ALK: variants seen among roughly 807,000 people sequenced by gnomAD.
ALK encodes the protein ALK receptor tyrosine kinase.
Under a neutral mutation model 163.1 loss-of-function variants are expected in ALK, and 74 were observed. The observed-to-expected ratio is 0.45, with a 90% confidence interval of 0.38 to 0.55. The LOEUF is 0.55. Ranked by LOEUF, ALK falls within the 20% of genes least tolerant of loss-of-function variation. The pLI, the probability that ALK is intolerant of heterozygous loss-of-function variation, is 0.00. For missense variants in ALK, 2,063 were observed against 2,105.3 expected, an observed-to-expected ratio of 0.98 and a Z score of 0.39; for synonymous variants, 960 against 843.2, an observed-to-expected ratio of 1.14 and a Z score of -2.40.
chr2:29,233,822 G>C (rs1664291310), intron 13 of ALK, 126 bp from the exon 14 acceptor site: 1 of 1,265,942 alleles, frequency 7.9e-7, no homozygotes, highest in Non-Finnish European at 1.1e-6. Context: ...TTGAGTTGAG[G>C]AGGCAGAAAA....
At chr2:29,701,105 C>G (rs1228289466) in intron 2 of ALK, among the ~76,000 whole-genome samples, 2 of 152,166 alleles carry the variant, frequency 1.3e-5, no homozygotes, top group Non-Finnish European at 2.9e-5. Context: ...GAATAGGGAG[C>G]TTGGTGCATT....
In ALK at chr2:29,227,188, G is replaced by A. The variant is rs1664028267; in HGVS notation, c.2915-114C>T. 1 of 1,368,530 alleles carries A rather than the reference G, an allele frequency of 7.3e-7. No individual in the cohort carries two copies. Among genetic ancestry groups the A allele is most frequent in the Admixed American group, 1.7e-5 (1 of 58,720 alleles). The allele number at this position is 1,368,530 out of a possible 1,614,324, so 84.8% of individuals were successfully genotyped here. ...GTGCTCTGGTGGTCCCTGTTCCTAG[G>A]TCCCATAGCCACTGGAAGCACAACT... On this transcript the variant is annotated intron_variant, in intron 17 of 28. Coordinates refer to ENST00000389048, the MANE Select transcript of ALK (RefSeq NM_004304.5). This position sits in a 1 kb window ranked among gnomAD's most constrained non-coding sequence, Gnocchi z 4.4.
chr2:29,618,212 T>G (rs1251724309), intron 3 of ALK, among the ~76,000 whole-genome samples: 1 of 152,152 alleles, frequency 6.6e-6, no homozygotes, highest in Non-Finnish European at 1.5e-5. Flanking sequence ...TGATCAAAGG[T>G]CAACCTCCAA....
intron 20 of ALK, 72 bp from the exon 21 acceptor site, chr2:29,222,679 G>A: frequency 7.3e-7 from 1 of 1,375,396 alleles, no homozygotes; most frequent in Non-Finnish European, 1.0e-6. Flanking sequence ...GGGGTCCTGA[G>A]CCTGGGCGTC....
In ALK at chr2:29,405,548, T is replaced by C. The variant is rs75276139; in HGVS notation, c.1155-21689A>G. ...TTCCTACGGCACCATCAAAGAGAAATGCCAGGTATCAAGGTGCCACTGTGC... is the reference window on the plus strand; with the variant it reads ...TTCCTACGGCACCATCAAAGAGAAACGCCAGGTATCAAGGTGCCACTGTGC... On this transcript the variant is annotated intron_variant, in intron 4 of 28. Coordinates refer to ENST00000389048, the MANE Select transcript of ALK (RefSeq NM_004304.5). Among the ~76,000 whole-genome samples the C allele has an allele frequency of 4.2e-3, 643 of 152,262 alleles. 5 individuals carry two copies. Among genetic ancestry groups the C allele is most frequent in the Middle Eastern group, 0.02 (6 of 294 alleles).
intron 3 of ALK, among the ~76,000 whole-genome samples, chr2:29,594,686 G>A (rs1486423203): frequency 3.3e-5 from 5 of 151,692 alleles, no homozygotes; most frequent in South Asian, 2.1e-4. Context: ...CTGGGCCTCC[G>A]AAAGTGCTGG....
chr2:29,693,626 A>G (rs1236672187), intron 3 of ALK, among the ~76,000 whole-genome samples: 1 of 152,222 alleles, frequency 6.6e-6, no homozygotes, highest in Non-Finnish European at 1.5e-5. Context: ...GCCTGAGAGC[A>G]TTAATTGTTT....
At chr2:29,256,016 T>G (rs1294504327) in intron 11 of ALK, among the ~76,000 whole-genome samples, 2 of 152,218 alleles carry the variant, frequency 1.3e-5, no homozygotes, top group Non-Finnish European at 2.9e-5. Flanking sequence ...AGCTCTACGC[T>G]AAGACAGGTT....
intron 2 of ALK, among the ~76,000 whole-genome samples, chr2:29,710,844 C>T (rs1679074744): frequency 6.6e-6 from 1 of 152,102 alleles, no homozygotes; most frequent in Middle Eastern, 3.2e-3. Context: ...AACTCTCCAT[C>T]CACTTCTCTC....
intron 3 of ALK, among the ~76,000 whole-genome samples, chr2:29,657,321 G>T (rs1677213440): frequency 6.6e-6 from 1 of 152,136 alleles, no homozygotes; most frequent in South Asian, 2.1e-4. Flanking sequence ...TACCATTTGT[G>T]TCTTTCAGTA....
intron 25 of ALK, among the ~76,000 whole-genome samples, chr2:29,208,336 G>T (rs13404997): frequency 5.3e-5 from 8 of 152,124 alleles, no homozygotes; most frequent in African/African-American, 1.9e-4. Context: ...AGGACTGTAG[G>T]TAACTTAGGG....
intron 9 of ALK, among the ~76,000 whole-genome samples, chr2:29,276,075 T>G (rs1665540201): frequency 6.6e-6 from 1 of 152,124 alleles, no homozygotes; most frequent in Admixed American, 6.5e-5. Context: ...ACTGGCTCCT[T>G]CCCTGCTGCC....
chr2:29,729,023 C>T (rs950503221), intron 1 of ALK, among the ~76,000 whole-genome samples: 1 of 152,220 alleles, frequency 6.6e-6, no homozygotes, highest in Non-Finnish European at 1.5e-5. Flanking sequence ...CAGGACTGAC[C>T]TGACTTGCCA....
At chr2:29,687,608 G>T (rs2148283804) in intron 3 of ALK, among the ~76,000 whole-genome samples, 1 of 151,938 alleles carries the variant, frequency 6.6e-6, no homozygotes, top group African/African-American at 2.4e-5. Flanking sequence ...TTGGAAAATA[G>T]CAAAAGCAAC....
chr2:29,216,785 G>T (rs1410994541), intron 23 of ALK, among the ~76,000 whole-genome samples: 1 of 151,160 alleles, frequency 6.6e-6, no homozygotes, highest in Non-Finnish European at 1.5e-5. Flanking sequence ...GGTGTGTGTG[G>T]TGTGTATGTG....
chr2:29,433,954 T>C (rs921689072), intron 4 of ALK, among the ~76,000 whole-genome samples: 1 of 152,202 alleles, frequency 6.6e-6, no homozygotes, highest in Non-Finnish European at 1.5e-5. Flanking sequence ...ATGGAATATC[T>C]ACAAGATATT....
Position 29,672,281 on chromosome 2 carries a change from T to G in ALK, c.952+22569A>C, listed in dbSNP as rs1233002668. ...ACGCTGGTGCACTGCACCCACTAAC[T>G]CGTCATCTAGCATTAGGTATATCTC... On this transcript the variant is annotated intron_variant, in intron 3 of 28. Coordinates refer to ENST00000389048, the MANE Select transcript of ALK (RefSeq NM_004304.5). Among the ~76,000 whole-genome samples the G allele has an allele frequency of 4.0e-5, 6 of 151,864 alleles. No individual in the cohort carries two copies. In the South Asian group the frequency reaches 8.4e-4, roughly 21 times the overall value.
intron 3 of ALK, among the ~76,000 whole-genome samples, chr2:29,543,269 T>C (rs2148167949): frequency 6.6e-6 from 1 of 152,346 alleles, no homozygotes; most frequent in Admixed American, 6.5e-5. Context: ...TCTTTCTTTT[T>C]CATGCTGCTG....
chr2:29,386,886 C>T (rs1050146618), intron 4 of ALK, among the ~76,000 whole-genome samples: 1 of 152,214 alleles, frequency 6.6e-6, no homozygotes, highest in Non-Finnish European at 1.5e-5. Context: ...AAAAACAAAT[C>T]TAAACTCTCT....
Sources: allele counts gnomAD v4.1 joint callset (sites outside exome capture counted in the v4.1 genomes callset), GRCh38; gene constraint gnomAD v4.1.1; non-coding constraint Gnocchi (gnomAD v3.1); transcripts MANE v1.5; gene names NCBI Gene and HGNC (gene_info 2026-07-23, HGNC 2026-07-21).